PHF2: variants seen among roughly 807,000 people sequenced by gnomAD.
PHF2 encodes PHD finger protein 2.
PHF2 carries 27 observed loss-of-function variants against 120.5 expected under a neutral mutation model. The observed-to-expected ratio is 0.22, with a 90% CI of 0.17 to 0.31. The LOEUF (loss-of-function observed/expected upper bound fraction) is 0.31, where lower values mean the gene tolerates loss of function less well. PHF2 is among the 10% of genes least tolerant of loss of function. The pLI is 1.00. For synonymous variants in PHF2, 568 were observed against 592.5 expected, an observed-to-expected ratio of 0.96 and a Z score of 0.60; for missense variants, 1,024 against 1,434.8, an observed-to-expected ratio of 0.71 and a Z score of 4.63.
chr9:93,610,858 G>T (rs982639940), intron 1 of PHF2, among the ~76,000 whole-genome samples: 1 of 152,122 alleles, frequency 6.6e-6, no homozygotes, highest in African/African-American at 2.4e-5. Flanking sequence ...TTCTCCCTGT[G>T]CATTGGGCCT....
intron 1 of PHF2, among the ~76,000 whole-genome samples, chr9:93,620,815 G>T (rs954181922): frequency 1.3e-5 from 2 of 151,968 alleles, no homozygotes; most frequent in African/African-American, 4.8e-5. Flanking sequence ...TTTTCGTTTT[G>T]CCAATTTTCT....
Position 93,665,857 on chromosome 9 carries a change from C to T in PHF2, c.2109C>T (p.Asp703=). 1 of 1,597,998 alleles carries T rather than the reference C, an allele frequency of 6.3e-7. No individual in the cohort carries two copies. Among genetic ancestry groups the T allele is most frequent in the Non-Finnish European group, 8.5e-7 (1 of 1,170,582 alleles). Residue 703 remains aspartate, a synonymous_variant, in exon 15 of 22, where the codon GAC becomes GAT. Transcript: ENST00000359246. ...IRRKKNAPKR[D]LSFLLDKKAV... is the part of the protein sequence containing the mutation. ...GGAAGAAAAACGCCCCGAAAAGGGA[C>T]TTGTCCTGTGAGTTGGGAGGGGGTG...
chr9:93,668,501 C>T (rs1400714939), intron 17 of PHF2, among the ~76,000 whole-genome samples: 2 of 152,134 alleles, frequency 1.3e-5, no homozygotes, highest in African/African-American at 4.8e-5. Flanking sequence ...GCCTGGGGGT[C>T]CTGGGGGTTG....
intron 1 of PHF2, among the ~76,000 whole-genome samples, chr9:93,614,873 CAGTGAT>C (rs151050711): frequency 0.46 from 56,023 of 120,544 alleles, 10,641 homozygotes; most frequent in Non-Finnish European, 0.51. Flanking sequence ...ATGATGGTGA[CAGTGAT>C]GGTGATGGTG....
chr9:93,631,335 C>T (rs1422718294), intron 2 of PHF2, among the ~76,000 whole-genome samples: 1 of 152,208 alleles, frequency 6.6e-6, no homozygotes, highest in Non-Finnish European at 1.5e-5. Context: ...ATCCCCAGCA[C>T]AGCCTCAACA....
intron 12 of PHF2, 148 bp from the exon 13 acceptor site, chr9:93,662,759 G>C (rs1275881586): frequency 1.2e-6 from 1 of 807,742 alleles, no homozygotes; most frequent in Non-Finnish European, 2.0e-6. Context: ...TACATCGATG[G>C]GTGGGTGAAT....
At chr9:93,617,427 GA>G (rs1420807396) in intron 1 of PHF2, among the ~76,000 whole-genome samples, 1 of 152,238 alleles carries the variant, frequency 6.6e-6, no homozygotes, top group African/African-American at 2.4e-5. Flanking sequence ...TAGGCAGCCA[GA>G]GAAGCACCTG....
At chr9:93,648,995 C>T in intron 4 of PHF2, 76 bp from the exon 5 acceptor site, 1 of 1,488,638 alleles carries the variant, frequency 6.7e-7, no homozygotes, top group Non-Finnish European at 9.1e-7. Flanking sequence ...AGTGTGTGTC[C>T]ACTCCACACG....
intron 1 of PHF2, among the ~76,000 whole-genome samples, chr9:93,626,665 T>C (rs951882738): frequency 2.0e-5 from 3 of 152,226 alleles, no homozygotes; most frequent in Non-Finnish European, 2.9e-5. Flanking sequence ...AAATTCAGTG[T>C]CATGAAGATT....
At chr9:93,645,284 C>A (rs1011866739) in intron 3 of PHF2, among the ~76,000 whole-genome samples, 1 of 152,194 alleles carries the variant, frequency 6.6e-6, no homozygotes, top group Non-Finnish European at 1.5e-5. Flanking sequence ...TGGGTCAGCC[C>A]GGGTGCCGGT....
intron 2 of PHF2, among the ~76,000 whole-genome samples, chr9:93,632,014 G>A (rs1427405533): frequency 6.6e-6 from 1 of 152,162 alleles, no homozygotes; most frequent in Non-Finnish European, 1.5e-5. Flanking sequence ...GTGTGGTGCT[G>A]GGGCTGGGCA....
chr9:93,638,236 G>T (rs1826123219), intron 3 of PHF2, among the ~76,000 whole-genome samples: 1 of 151,356 alleles, frequency 6.6e-6, no homozygotes, highest in African/African-American at 2.4e-5. Context: ...TCTGTGGGTT[G>T]TCTTTTTACT....
intron 1 of PHF2, among the ~76,000 whole-genome samples, chr9:93,624,132 T>C (rs1466636849): frequency 6.6e-6 from 1 of 152,236 alleles, no homozygotes; most frequent in African/African-American, 2.4e-5. Flanking sequence ...CCTATTGTGG[T>C]AAATAAGGCT....
intron 5 of PHF2, among the ~76,000 whole-genome samples, chr9:93,652,800 C>T (rs1047252039): frequency 6.6e-6 from 1 of 152,188 alleles, no homozygotes; most frequent in East Asian, 1.9e-4. Context: ...AGGTGCCGGG[C>T]TGAGTGTGAG....
chr9:93,625,989 TC>T (rs1825908682), intron 1 of PHF2, among the ~76,000 whole-genome samples: 1 of 151,804 alleles, frequency 6.6e-6, no homozygotes, highest in Non-Finnish European at 1.5e-5. Context: ...ATGCCTATAA[TC>T]CCAGCACTTC....
intron 1 of PHF2, among the ~76,000 whole-genome samples, chr9:93,590,306 A>G (rs1825190950): frequency 6.6e-6 from 1 of 152,232 alleles, no homozygotes; most frequent in Non-Finnish European, 1.5e-5. Flanking sequence ...GAGTTGTGTC[A>G]GTAGCCCTGG....
chr9:93,624,801 G>A (rs552651614), intron 1 of PHF2, among the ~76,000 whole-genome samples: 1 of 151,234 alleles, frequency 6.6e-6, no homozygotes, highest in East Asian at 2.0e-4. Flanking sequence ...TGGCAGTGCT[G>A]GTGATGGTGA....
chr9:93,667,020 C>T, intron 16 of PHF2, 60 bp from the exon 17 acceptor site: 4 of 1,484,874 alleles, frequency 2.7e-6, no homozygotes, highest in Non-Finnish European at 3.6e-6. Flanking sequence ...CCTCCCAACT[C>T]CCAGGCCACT....
rs553082558 is a variant in PHF2 at position 93,617,650 on chromosome 9, G to A, written c.99-12320G>A. Among the ~76,000 whole-genome samples, 9 of 152,292 alleles carry A rather than the reference G, an allele frequency of 5.9e-5. No individual in the cohort carries two copies. The South Asian group carries it at 1.9e-3, about 32-fold the overall frequency. On this transcript the variant is annotated intron_variant, in intron 1 of 21. Transcript: ENST00000359246. ...CTAGAGGGACAGAACTAATAGATAT[G>A]TATATGTTTATTAAGTGTTAACTCA...
Sources: gnomAD v4.1 joint callset for allele counts (sites outside exome capture counted in the v4.1 genomes callset) on GRCh38, gnomAD v4.1.1 for gene constraint, MANE v1.5 for transcripts, NCBI Gene and HGNC (gene_info 2026-07-23, HGNC 2026-07-21) for gene names.